The following XIAP variants were observed in gnomAD, a reference collection of about 807,000 sequenced individuals.
XIAP encodes E3 ubiquitin-protein ligase XIAP.
A neutral mutation model predicts 33.1 loss-of-function variants in XIAP; 3 were observed. The ratio of observed to expected loss-of-function variants is 0.09; its 90% confidence interval spans 0.04 to 0.23. The LOEUF (loss-of-function observed/expected upper bound fraction) is 0.23. XIAP is among the 10% of genes least tolerant of loss of function. XIAP has a pLI of 1.00. For missense variants in XIAP, 264 were observed against 363.0 expected (o/e 0.73, Z 2.22); for synonymous variants, 98 against 121.3 (o/e 0.81, Z 1.26).
chrX:123,893,827 C>G (rs944703221), intron 5 of XIAP, among the ~76,000 whole-genome samples: 1 of 111,295 alleles, frequency 9.0e-6, no homozygotes, highest in African/African-American at 3.3e-5. Context: ...GGCAACAGGG[C>G]AAGACTCCAT....
chrX:123,888,550 G>T, intron 2 of XIAP, 69 bp from the exon 3 acceptor site: 1 of 941,757 alleles, frequency 1.1e-6, no homozygotes, highest in South Asian at 1.9e-5. Context: ...TAATTTTTAG[G>T]TGTTAAATGA....
intron 5 of XIAP, among the ~76,000 whole-genome samples, chrX:123,899,533 C>A (rs890038645): frequency 9.2e-6 from 1 of 108,307 alleles, no homozygotes; most frequent in Non-Finnish European, 1.9e-5. Context: ...CCCATCAGTA[C>A]CCACCCCCAA....
At chrX:123,892,951 G>A (rs1260233317) in intron 5 of XIAP, among the ~76,000 whole-genome samples, 178 bp downstream of exon 5, 1 of 110,287 alleles carries the variant, frequency 9.1e-6, no homozygotes. Context: ...CTCCCGAGTA[G>A]CTGGGACTAC....
At chrX:123,862,893 G>T (rs1426197119) in intron 1 of XIAP, among the ~76,000 whole-genome samples, 1 of 108,339 alleles carries the variant, frequency 9.2e-6, no homozygotes, top group African/African-American at 3.4e-5. Context: ...AATATCTGCA[G>T]CCTGGGCAAC....
intron 1 of XIAP, among the ~76,000 whole-genome samples, chrX:123,877,307 TC>T (rs761324732): frequency 2.7e-5 from 3 of 111,732 alleles, no homozygotes; most frequent in Non-Finnish European, 5.6e-5. Context: ...CCTCAAGTGA[TC>T]CGCCTGCCTC....
intron 3 of XIAP, 44 bp from the exon 4 acceptor site, chrX:123,891,194 C>T: frequency 1.5e-6 from 1 of 667,313 alleles, no homozygotes; most frequent in South Asian, 2.5e-5. Context: ...GCTTATACTT[C>T]ACTAATTTAT....
rs57436822 is a variant in XIAP at position 123,869,362 on chromosome X, C to CAAAAAAAAAAAAA, written c.-33+9079_-33+9091dup. 1.3e-3 allele frequency among the ~76,000 whole-genome samples: 38 copies of CAAAAAAAAAAAAA among 29,718 alleles called. 2 individuals are homozygous for CAAAAAAAAAAAAA. The highest frequency in any genetic ancestry group is 3.5e-3 in the African/African-American group (23 of 6,665). 25.8% of individuals were successfully genotyped at this position (29,718 alleles called of 115,157 possible). Reference sequence around the variant, plus strand: ...AAACCCCATCTCTACTAAAAAAATACAAAAAAAAAAAAAAAAAAAAAAGCT... The same window carrying CAAAAAAAAAAAAA: ...AAACCCCATCTCTACTAAAAAAATACAAAAAAAAAAAAAAAAAAAAAAAAAAAAAAAAAAAGCT... On this transcript the variant is annotated intron_variant, in intron 1 of 6. Transcript: ENST00000371199.
rs374487560 is a variant in XIAP at position 123,884,217 on chromosome X, C to T, written c.-32-1414C>T. On this transcript the variant is annotated intron_variant, in intron 1 of 6. Transcript: ENST00000371199. Reference sequence around the variant, plus strand: ...ATCAATTAATGGCAGGGCGCGGTGGCTCACGCCTGTAATCCCAGCATTTTG... The same window carrying T: ...ATCAATTAATGGCAGGGCGCGGTGGTTCACGCCTGTAATCCCAGCATTTTG... Among the ~76,000 whole-genome samples, 30 of 112,023 alleles carry T rather than the reference C, an allele frequency of 2.7e-4. No homozygotes were observed. In the East Asian group the frequency reaches 3.4e-3, roughly 13 times the overall value.
In XIAP at chrX:123,889,997, A is replaced by ATTTT. The variant is rs771503633; in HGVS notation, c.978-1207_978-1204dup. Reference sequence around the variant, plus strand: ...ATCTCTATGACATACAGTTGTTCACATTTTTTTTTTTTTTTTTTTTTTTTT... The same window carrying ATTTT: ...ATCTCTATGACATACAGTTGTTCACATTTTTTTTTTTTTTTTTTTTTTTTTTTTT... On this transcript the variant is annotated intron_variant, in intron 3 of 6. Coordinates refer to ENST00000371199, the MANE Select transcript of XIAP (RefSeq NM_001167.4). Among the ~76,000 whole-genome samples the ATTTT allele has an allele frequency of 6.7e-4, 22 of 33,048 alleles. 5 individuals are homozygous for ATTTT. The highest frequency in any genetic ancestry group is 1.2e-3 in the African/African-American group (9 of 7,419). 28.7% of individuals were successfully genotyped at this position (33,048 alleles called of 115,157 possible). A position where few individuals can be genotyped will look rare whatever the true frequency, so the allele number is the denominator to read the frequency against.
chrX:123,867,262 G>A (rs1242623851), intron 1 of XIAP, among the ~76,000 whole-genome samples: 1 of 105,492 alleles, frequency 9.5e-6, no homozygotes, highest in Admixed American at 1.0e-4. Context: ...TAGTAGAGAC[G>A]GGGTTTCACC....
In XIAP at chrX:123,909,338, T is replaced by G; in HGVS notation, c.*2157T>G. On this transcript the variant is annotated 3_prime_UTR_variant, in exon 7 of 7. Transcript: ENST00000371199. ...GAGCCACCACGCCCGGCTAAAACAT[T>G]GCAAATTTAAATGAGAGTTTTAAAA... 1 of 329,207 alleles carries G rather than the reference T, an allele frequency of 3.0e-6. No homozygotes were observed. Among genetic ancestry groups the G allele is most frequent in the South Asian group, 2.6e-5 (1 of 38,499 alleles). The allele number at this position is 329,207 out of a possible 1,213,427, so 27.1% of individuals were successfully genotyped here.
chrX:123,906,923 GTTTTCAATGAATT>G (rs2053559504), intron 6 of XIAP, 52 bp from the exon 7 acceptor site: 1 of 1,168,685 alleles, frequency 8.6e-7, no homozygotes, highest in Non-Finnish European at 1.2e-6. Context: ...CTCAATAAAT[GTTTTCAATGAATT>G]TAAACAACTA....
intron 1 of XIAP, among the ~76,000 whole-genome samples, chrX:123,880,255 A>G (rs920789074): frequency 1.6e-5 from 1 of 62,174 alleles, no homozygotes; most frequent in African/African-American, 6.5e-5. Flanking sequence ...TCTACTAAAA[A>G]TACAAAATTG....
intron 5 of XIAP, 32 bp from the exon 6 acceptor site, chrX:123,900,461 A>G (rs377101678): frequency 7.2e-6 from 8 of 1,115,451 alleles, no homozygotes; most frequent in African/African-American, 3.6e-5. Flanking sequence ...TTTAAATTCT[A>G]TGTTCTTTTT....
chrX:123,892,330 A>G (rs1017833280), intron 4 of XIAP, among the ~76,000 whole-genome samples: 5 of 111,224 alleles, frequency 4.5e-5, no homozygotes, highest in African/African-American at 9.8e-5. Flanking sequence ...TCACGCCACT[A>G]CACTCCAGCC....
chrX:123,870,941 C>T (rs759082018), intron 1 of XIAP, among the ~76,000 whole-genome samples: 5 of 109,458 alleles, frequency 4.6e-5, no homozygotes, highest in Middle Eastern at 4.4e-3. Context: ...TTTGTGTGTG[C>T]GTGTGTGTGT....
At chrX:123,871,526 T>A (rs952254550) in intron 1 of XIAP, among the ~76,000 whole-genome samples, 1 of 109,944 alleles carries the variant, frequency 9.1e-6, no homozygotes, top group African/African-American at 3.3e-5. Context: ...CTTTCTTTTT[T>A]TTTTTTTGAG....
In XIAP at chrX:123,885,901, T is replaced by C; in HGVS notation, c.239T>C (p.Val80Ala). The change falls in exon 2 of 7, where the codon GTT (valine) becomes GCT (alanine). Residue 80 changes from valine to alanine, a missense_variant. Transcript: ENST00000371199. The part of the protein sequence containing the change: ...VDRWQYGDSA[V>A]GRHRKVSPNC... ...AGATGGCAATATGGAGACTCAGCAG[T>C]TGGAAGACACAGGAAAGTATCCCCA... 2 of 1,211,737 alleles carry C rather than the reference T, an allele frequency of 1.7e-6. No individual in the cohort carries two copies. Among genetic ancestry groups the C allele is most frequent in the Non-Finnish European group, 2.2e-6 (2 of 895,564 alleles).
chrX:123,897,651 C>G (rs953070122), intron 5 of XIAP, among the ~76,000 whole-genome samples: 1 of 111,320 alleles, frequency 9.0e-6, no homozygotes, highest in Non-Finnish European at 1.9e-5. Context: ...CAACCACCGA[C>G]TCCCGGGTTC....
Sources: gnomAD v4.1 joint callset for allele counts (sites outside exome capture counted in the v4.1 genomes callset) on GRCh38, gnomAD v4.1.1 for gene constraint, MANE v1.5 for transcripts, NCBI Gene and HGNC (gene_info 2026-07-23, HGNC 2026-07-21) for gene names.